The following ZNF385D variants were observed in gnomAD, a reference collection of about 807,000 sequenced individuals.
The protein encoded by ZNF385D is zinc finger protein 385D, also known as zinc finger protein 659.
In ZNF385D, 15 loss-of-function variants were observed where a neutral mutation model predicts 35.8. The observed-to-expected ratio is 0.42, with a 90% CI of 0.28 to 0.64. ZNF385D has a LOEUF of 0.64. Ranked by LOEUF, ZNF385D falls within the 30% of genes least tolerant of loss-of-function variation. The pLI, the probability that ZNF385D is intolerant of heterozygous loss-of-function variation, is 0.23. For missense variants in ZNF385D, 474 were observed against 494.6 expected (o/e 0.96, Z 0.39); for synonymous variants, 212 against 186.8 (o/e 1.13, Z -1.10).
chr3:22,327,220 T>C (rs1278058459), intron 2 of ZNF385D, among the ~76,000 whole-genome samples: 1 of 152,152 alleles, frequency 6.6e-6, no homozygotes, highest in East Asian at 1.9e-4. Flanking sequence ...ATTCGAAAAC[T>C]GGTAGCCAGG....
At chr3:22,176,729 G>C (rs1694854313) in intron 2 of ZNF385D, among the ~76,000 whole-genome samples, 1 of 152,052 alleles carries the variant, frequency 6.6e-6, no homozygotes, top group African/African-American at 2.4e-5. Flanking sequence ...TTTCTATTTT[G>C]AGTCCTCAGT....
intron 3 of ZNF385D, among the ~76,000 whole-genome samples, chr3:22,008,956 G>T (rs1696390284): frequency 6.6e-6 from 1 of 151,622 alleles, no homozygotes; most frequent in East Asian, 1.9e-4. Flanking sequence ...TAAATCAAAA[G>T]AATATGGAAG....
chr3:22,098,025 G>C (rs1039059277), intron 3 of ZNF385D, among the ~76,000 whole-genome samples: 1 of 152,060 alleles, frequency 6.6e-6, no homozygotes, highest in African/African-American at 2.4e-5. Flanking sequence ...AAGCTACTAG[G>C]AACTCACAGG....
chr3:22,142,230 A>G (rs1158701663), intron 3 of ZNF385D, among the ~76,000 whole-genome samples: 3 of 152,124 alleles, frequency 2.0e-5, no homozygotes, highest in African/African-American at 4.8e-5. Context: ...TGTTTTTACT[A>G]TGTGTTTTTA....
chr3:21,810,410 T>G (rs1041975917), intron 3 of ZNF385D, among the ~76,000 whole-genome samples: 2 of 151,952 alleles, frequency 1.3e-5, no homozygotes, highest in African/African-American at 4.8e-5. Flanking sequence ...CATTAGGAGA[T>G]AAACCTAATG....
chr3:21,443,921 G>A (rs1701993683), intron 4 of ZNF385D, among the ~76,000 whole-genome samples: 1 of 151,998 alleles, frequency 6.6e-6, no homozygotes, highest in Non-Finnish European at 1.5e-5. Context: ...TCTGTTTGAG[G>A]CAATTACATC....
rs932242278 is a variant in ZNF385D, at chr3:21,414,444, T to C, written c.*6770A>G. On this transcript the variant is annotated 3_prime_UTR_variant, in exon 8 of 8. Transcript: ENST00000281523. ...CAAATGATGTAGCTTTGGCATCAGG[T>C]CAGTTCCATCTTAAATATGTAGTAA... The C allele has an allele frequency of 6.6e-6, 1 of 152,260 alleles. No homozygotes were observed. Among genetic ancestry groups the C allele is most frequent in the South Asian group, 2.1e-4 (1 of 4,824 alleles). 9.4% of individuals were successfully genotyped at this position (152,260 alleles called of 1,614,324 possible).
intron 3 of ZNF385D, among the ~76,000 whole-genome samples, chr3:22,087,022 C>T (rs6794269): frequency 2.0e-5 from 3 of 151,824 alleles, no homozygotes; most frequent in Non-Finnish European, 1.5e-5. Flanking sequence ...ACATGGCACA[C>T]GCATACATAT....
At chr3:21,925,232 C>T (rs1008855987) in intron 3 of ZNF385D, among the ~76,000 whole-genome samples, 3 of 152,086 alleles carry the variant, frequency 2.0e-5, no homozygotes, top group African/African-American at 7.2e-5. Flanking sequence ...AACAGGTTTA[C>T]TCAATTTCAA....
intron 3 of ZNF385D, among the ~76,000 whole-genome samples, chr3:22,008,569 C>G (rs535959653): frequency 1.3e-5 from 2 of 151,934 alleles, no homozygotes; most frequent in East Asian, 1.9e-4. Flanking sequence ...TGTTAGCCAG[C>G]ATGGTCTCGA....
intron 3 of ZNF385D, among the ~76,000 whole-genome samples, chr3:21,761,748 C>G (rs2070619469): frequency 1.1e-5 from 1 of 91,752 alleles, no homozygotes; most frequent in South Asian, 4.4e-4. Context: ...CCAATTTTCT[C>G]ATTGGATTCT....
intron 3 of ZNF385D, among the ~76,000 whole-genome samples, chr3:21,515,413 T>C (rs537718219): frequency 1.3e-5 from 2 of 152,352 alleles, no homozygotes; most frequent in East Asian, 1.9e-4. Flanking sequence ...TTAATTTTCA[T>C]GAACACAAAT....
intron 3 of ZNF385D, among the ~76,000 whole-genome samples, chr3:22,095,665 CTTTA>C (rs1701579227): frequency 1.6e-5 from 1 of 62,792 alleles, no homozygotes; most frequent in Middle Eastern, 6.7e-3. Context: ...AAATTGATTT[CTTTA>C]TTTTAATTTT....
At chr3:21,982,216 T>C (rs1454061318) in intron 3 of ZNF385D, among the ~76,000 whole-genome samples, 2 of 152,256 alleles carry the variant, frequency 1.3e-5, no homozygotes, top group East Asian at 3.9e-4. Flanking sequence ...CGTGGGATTT[T>C]TCTTCCATTT....
At chr3:22,088,372 C>T (rs372142313) in intron 3 of ZNF385D, among the ~76,000 whole-genome samples, 2 of 152,152 alleles carry the variant, frequency 1.3e-5, no homozygotes, top group African/African-American at 4.8e-5. Context: ...GTGCAGGGGC[C>T]TGGTAACACT....
chr3:21,761,367 T>C (rs531383621), intron 3 of ZNF385D, among the ~76,000 whole-genome samples: 1 of 152,310 alleles, frequency 6.6e-6, no homozygotes, highest in Non-Finnish European at 1.5e-5. Flanking sequence ...TACACATCAA[T>C]AGATGGCTAA....
intron 2 of ZNF385D, among the ~76,000 whole-genome samples, chr3:22,220,667 T>C (rs1698197828): frequency 6.6e-6 from 1 of 152,190 alleles, no homozygotes. Flanking sequence ...GCCAAACACT[T>C]CTGTATGAAA....
In ZNF385D at chr3:22,172,141, C is replaced by G. The variant is rs1694496825; in HGVS notation, c.107-3106G>C. On this transcript the variant is annotated intron_variant, in intron 2 of 5. Coordinates refer to the ZNF385D transcript ENST00000494108. ...TTTGTCCACTTTTTTCCCTCCTAAC[C>G]TTCACCCCTCAGAACCATTAAGACA... 2.0e-5 allele frequency among the ~76,000 whole-genome samples: 3 copies of G among 152,124 alleles called. 1 individual carries two copies. The highest frequency in any genetic ancestry group is 2.0e-4 in the Admixed American group (3 of 15,272).
At chr3:22,180,914 C>CTTTTTTTTTTTTTTTT (rs61668943) in intron 2 of ZNF385D, among the ~76,000 whole-genome samples, 27 of 112,958 alleles carry the variant, frequency 2.4e-4, no homozygotes, top group African/African-American at 5.5e-4. Flanking sequence ...TGCTTTTGTT[C>CTTTTTTTTTTTTTTTT]TTTTTTTTTT....
Sources: allele counts gnomAD v4.1 joint callset (sites outside exome capture counted in the v4.1 genomes callset), GRCh38; gene constraint gnomAD v4.1.1; transcripts MANE v1.5; gene names NCBI Gene and HGNC (gene_info 2026-07-23, HGNC 2026-07-21).